The following CD244 variants were observed in gnomAD, a reference collection of about 807,000 sequenced individuals.
The protein encoded by CD244 is natural killer cell receptor 2B4.
CD244 carries 20 observed loss-of-function variants against 45.5 expected under a neutral mutation model. The observed-to-expected ratio is 0.44, with a 90% CI of 0.31 to 0.64. CD244 has a LOEUF of 0.64. Ranked by LOEUF, CD244 falls within the 30% of genes least tolerant of loss-of-function variation. The probability of loss-of-function intolerance (pLI) is 0.08; values close to 1 mark genes in which losing one functional copy is unlikely to be tolerated. For missense variants in CD244, 407 were observed against 426.9 expected (o/e 0.95, Z 0.41); for synonymous variants, 185 against 160.5 (o/e 1.15, Z -1.15).
chr1:160,833,386 G>C (rs1669208746), intron 7 of CD244, among the ~76,000 whole-genome samples: 2 of 152,062 alleles, frequency 1.3e-5, no homozygotes, highest in South Asian at 4.1e-4. Context: ...CCATGTTAAG[G>C]CTTTCTGGCT....
chr1:160,834,891 C>T (rs1360027939), intron 6 of CD244, among the ~76,000 whole-genome samples: 1 of 152,206 alleles, frequency 6.6e-6, no homozygotes, highest in Non-Finnish European at 1.5e-5. Context: ...AAACATTCTC[C>T]TTTTAAGATG....
At chr1:160,837,681 G>A (rs1398947620) in intron 5 of CD244, among the ~76,000 whole-genome samples, 1 of 152,192 alleles carries the variant, frequency 6.6e-6, no homozygotes, top group Non-Finnish European at 1.5e-5. Flanking sequence ...AAAGCGCCAG[G>A]GGGCAGTGGA....
intron 6 of CD244, 143 bp downstream of exon 6, chr1:160,836,052 G>T: frequency 1.5e-6 from 1 of 674,898 alleles, no homozygotes; most frequent in Non-Finnish European, 2.7e-6. Context: ...CAAATAATGT[G>T]TTAATGCAAC....
chr1:160,843,995 A>G (rs1017106491), intron 1 of CD244, among the ~76,000 whole-genome samples: 9 of 152,222 alleles, frequency 5.9e-5, no homozygotes, highest in Admixed American at 6.5e-5. Context: ...AGAGGGCTAT[A>G]CCCAAAGAGT....
intron 1 of CD244, among the ~76,000 whole-genome samples, chr1:160,849,931 G>T (rs773456290): frequency 1.3e-5 from 2 of 152,070 alleles, no homozygotes; most frequent in Non-Finnish European, 2.9e-5. Flanking sequence ...AGAATCACTT[G>T]AACCCGGGAA....
At chr1:160,847,609 C>A (rs1264255758) in intron 1 of CD244, among the ~76,000 whole-genome samples, 1 of 151,884 alleles carries the variant, frequency 6.6e-6, no homozygotes, top group African/African-American at 2.4e-5. Flanking sequence ...ACCCATGAGT[C>A]AAAGAATAAA....
In CD244 at chr1:160,862,669, C is replaced by T. The variant is rs1557848951; in HGVS notation, c.9G>A (p.Gly3=). 6.2e-7 allele frequency: 1 copy of T among 1,613,978 alleles called. No individual in the cohort carries two copies. Among genetic ancestry groups the T allele is most frequent in the Non-Finnish European group, 8.5e-7 (1 of 1,179,876 alleles). ...GGAGGAGTATGAGGGTGACCACTTG[C>T]CCCAGCATTTCCACAGGACAGAGGG... The part of the protein sequence containing the change: ML[G]QVVTLILLLL... The change falls in exon 1 of 9, where the codon GGG becomes GGA. Residue 3 remains glycine, a synonymous_variant. Transcript: ENST00000368034.
At chr1:160,838,834 G>A in intron 4 of CD244, 105 bp downstream of exon 4, 1 of 757,490 alleles carries the variant, frequency 1.3e-6, no homozygotes, top group East Asian at 2.7e-5. Context: ...GCTCGTTGAG[G>A]AAAAGGAGAT....
intron 1 of CD244, among the ~76,000 whole-genome samples, chr1:160,857,573 G>A (rs1231335375): frequency 6.6e-6 from 1 of 152,196 alleles, no homozygotes; most frequent in Non-Finnish European, 1.5e-5. Context: ...AAACAAATCT[G>A]TGATGTTAGA....
At chr1:160,854,624 C>A (rs532599214) in intron 1 of CD244, among the ~76,000 whole-genome samples, 1 of 151,670 alleles carries the variant, frequency 6.6e-6, no homozygotes, top group Non-Finnish European at 1.5e-5. Context: ...GAACTCCTGA[C>A]CTCAAGTAAT....
At chr1:160,847,576 A>G (rs1215012218) in intron 1 of CD244, among the ~76,000 whole-genome samples, 1 of 152,186 alleles carries the variant, frequency 6.6e-6, no homozygotes, top group Non-Finnish European at 1.5e-5. Context: ...AATGTTTAAA[A>G]CATAAGAAAC....
Position 160,830,881 on chromosome 1 carries a change from A to G in CD244, c.*466T>C, listed in dbSNP as rs1212349951. 2 of 159,420 alleles carry G rather than the reference A, an allele frequency of 1.3e-5. No individual in the cohort carries two copies. 9.9% of individuals were successfully genotyped at this position (159,420 alleles called of 1,614,324 possible). On this transcript the variant is annotated 3_prime_UTR_variant, in exon 9 of 9. Coordinates refer to ENST00000368034, the MANE Select transcript of CD244 (RefSeq NM_016382.4). The stretch of plus-strand genomic sequence containing the variant: ...TCACAGCCGGACAGTCCAGGCTTTC[A>G]GAGGAGGGCTGTTTCTTCTTCCCCT...
intron 1 of CD244, chr1:160,848,481 T>C: frequency 3.7e-6 from 2 of 538,588 alleles, no homozygotes; most frequent in South Asian, 1.4e-5. Flanking sequence ...AAGATCACCA[T>C]TGCTGAGTGT....
At chr1:160,857,152 A>G (rs2101894904) in intron 1 of CD244, among the ~76,000 whole-genome samples, 1 of 152,350 alleles carries the variant, frequency 6.6e-6, no homozygotes, top group East Asian at 1.9e-4. Context: ...CATTTCCACA[A>G]TTTAATTTTC....
intron 7 of CD244, among the ~76,000 whole-genome samples, chr1:160,833,145 T>A (rs933407635): frequency 1.3e-5 from 2 of 152,150 alleles, no homozygotes; most frequent in African/African-American, 2.4e-5. Context: ...ATATAGAGTT[T>A]ACATACACCA....
At chr1:160,832,446 T>C in intron 8 of CD244, 73 bp downstream of exon 8, 2 of 881,536 alleles carry the variant, frequency 2.3e-6, no homozygotes, top group Non-Finnish European at 3.6e-6. Context: ...TTTTCCTAAG[T>C]GTACCCTTTC....
intron 1 of CD244, among the ~76,000 whole-genome samples, chr1:160,855,086 G>T (rs1203682623): frequency 6.6e-6 from 1 of 152,218 alleles, no homozygotes; most frequent in Non-Finnish European, 1.5e-5. Flanking sequence ...TACAGGAGTA[G>T]ATGAAGTACA....
At chr1:160,831,621 C>A (rs1350415305) in intron 8 of CD244, among the ~76,000 whole-genome samples, 194 bp from the exon 9 acceptor site, 1 of 152,190 alleles carries the variant, frequency 6.6e-6, no homozygotes, top group Non-Finnish European at 1.5e-5. Flanking sequence ...GCTCCAATTC[C>A]AGTACTCTCT....
intron 7 of CD244, among the ~76,000 whole-genome samples, chr1:160,833,131 T>A (rs1393346769): frequency 6.6e-6 from 1 of 152,062 alleles, no homozygotes; most frequent in Non-Finnish European, 1.5e-5. Context: ...GCACATTCAG[T>A]AGCATATAGA....
Sources: gnomAD v4.1 joint callset for allele counts (sites outside exome capture counted in the v4.1 genomes callset) on GRCh38, gnomAD v4.1.1 for gene constraint, MANE v1.5 for transcripts, NCBI Gene and HGNC (gene_info 2026-07-23, HGNC 2026-07-21) for gene names.